GPC3: variants seen among roughly 807,000 people sequenced by gnomAD.
The protein encoded by GPC3 is glypican 3, also known as glypican-3.
In GPC3, 3 loss-of-function variants were observed where a neutral mutation model predicts 34.4. The ratio of observed to expected loss-of-function variants is 0.09; its 90% CI spans 0.04 to 0.23. The LOEUF (loss-of-function observed/expected upper bound fraction) is 0.23. Ranked by LOEUF, GPC3 falls within the 10% of genes least tolerant of loss-of-function variation. GPC3 has a pLI of 1.00. For missense variants in GPC3, 351 were observed against 445.6 expected (o/e 0.79, Z 1.91); for synonymous variants, 177 against 174.0 (o/e 1.02, Z -0.13).
intron 7 of GPC3, among the ~76,000 whole-genome samples, chrX:133,574,936 G>A (rs1256494245): frequency 8.9e-6 from 1 of 111,953 alleles, no homozygotes; most frequent in Admixed American, 9.5e-5. Context: ...ATTGGCTGAA[G>A]CACTTCCTGT....
At position 133,635,966 on chromosome X, in the gene GPC3, A is replaced by C. The variant is rs779321143; in HGVS notation, c.1413+25764T>G. 2.7e-5 allele frequency among the ~76,000 whole-genome samples: 3 copies of C among 111,386 alleles called. No individual in the cohort carries two copies. The East Asian group carries it at 8.5e-4, about 32-fold the overall frequency. Reference sequence around the variant, plus strand: ...CTCACTTAAATTACTTTTAAAAAACATTCTGTTTTCATTTCCCTATCTCTA... The same window carrying C: ...CTCACTTAAATTACTTTTAAAAAACCTTCTGTTTTCATTTCCCTATCTCTA... On this transcript the variant is annotated intron_variant, in intron 6 of 7. Coordinates refer to ENST00000370818, the MANE Select transcript of GPC3 (RefSeq NM_004484.4).
At chrX:133,821,549 A>T (rs977466398) in intron 2 of GPC3, among the ~76,000 whole-genome samples, 1 of 112,057 alleles carries the variant, frequency 8.9e-6, no homozygotes, top group African/African-American at 3.2e-5. Flanking sequence ...ATACATATAT[A>T]TTCGGAACAC....
intron 3 of GPC3, among the ~76,000 whole-genome samples, chrX:133,749,298 G>C (rs1273522203): frequency 9.0e-6 from 1 of 110,896 alleles, no homozygotes; most frequent in Non-Finnish European, 1.9e-5. Flanking sequence ...AAAATCATCT[G>C]ATCTCTTCAC....
chrX:133,698,209 C>T lies in GPC3; in HGVS notation c.1166+1686G>A, dbSNP rs1212149039. Among the ~76,000 whole-genome samples the T allele has an allele frequency of 2.7e-5, 3 of 112,080 alleles. No individual in the cohort carries two copies. In the Admixed American group the frequency reaches 2.8e-4, roughly 11 times the overall value. The stretch of plus-strand genomic sequence containing the variant: ...GAAGGGCAAAGAAGGGAGAAGCTGG[C>T]AACTGAGATGTGCCAAAAATATGAA... On this transcript the variant is annotated intron_variant, in intron 4 of 7. Transcript: ENST00000370818.
intron 2 of GPC3, among the ~76,000 whole-genome samples, chrX:133,845,088 A>G (rs1193531460): frequency 8.9e-6 from 1 of 111,871 alleles, no homozygotes; most frequent in East Asian, 2.8e-4. Flanking sequence ...CTACCTTCCA[A>G]GTTTAGACAA....
intron 2 of GPC3, among the ~76,000 whole-genome samples, chrX:133,850,276 T>C (rs1475450834): frequency 9.6e-6 from 1 of 103,948 alleles, no homozygotes; most frequent in Non-Finnish European, 1.9e-5. Flanking sequence ...ATTCAAACTT[T>C]ACTGTTCAAA....
At chrX:133,648,309 G>A (rs5933335) in intron 6 of GPC3, among the ~76,000 whole-genome samples, 3,177 of 103,812 alleles carry the variant, frequency 0.031, 94 homozygotes, top group South Asian at 0.18. Flanking sequence ...ATCAGTTATC[G>A]TTAGTGTTAG....
At chrX:133,894,650 G>A (rs541346605) in intron 2 of GPC3, among the ~76,000 whole-genome samples, 1 of 111,663 alleles carries the variant, frequency 9.0e-6, no homozygotes, top group South Asian at 3.8e-4. Context: ...GACCAGCCTG[G>A]CCAACATGGT....
At chrX:133,787,537 C>T (rs1259196107) in intron 2 of GPC3, among the ~76,000 whole-genome samples, 2 of 112,331 alleles carry the variant, frequency 1.8e-5, no homozygotes, top group Non-Finnish European at 3.8e-5. Flanking sequence ...TTCCCTCCAA[C>T]AGAAAGAAGT....
chrX:133,692,349 T>G lies in GPC3; in HGVS notation c.1292+20A>C. 8.3e-7 allele frequency: 1 copy of G among 1,206,100 alleles called. No individual in the cohort carries two copies. The highest frequency in any genetic ancestry group is 1.8e-5 in the South Asian group (1 of 56,881). ...ATTATTCCTCAAATATTGCTATATG[T>G]AACTTTCAAAAAAGATCACCTCTCC... is the stretch of plus-strand genomic sequence containing the variant. On this transcript the variant is annotated intron_variant, in intron 5 of 7. Transcript: ENST00000370818.
chrX:133,888,644 T>C (rs2076072573), intron 2 of GPC3, among the ~76,000 whole-genome samples: 1 of 112,450 alleles, frequency 8.9e-6, no homozygotes. Context: ...TATCTCATTG[T>C]GGTTTTGATT....
intron 1 of GPC3, among the ~76,000 whole-genome samples, chrX:133,968,421 T>C (rs1200329188): frequency 8.9e-6 from 1 of 112,561 alleles, no homozygotes; most frequent in East Asian, 2.8e-4. Flanking sequence ...ATTAGGAACA[T>C]GGCTCTGGAA....
At chrX:133,704,240 G>T in intron 3 of GPC3, 1 of 1,092,775 alleles carries the variant, frequency 9.2e-7, no homozygotes, top group Non-Finnish European at 1.2e-6. Flanking sequence ...AAGAAGATAG[G>T]ATATTTGAAG....
At chrX:133,780,106 T>A (rs2072030996) in intron 2 of GPC3, among the ~76,000 whole-genome samples, 2 of 111,641 alleles carry the variant, frequency 1.8e-5, no homozygotes, top group African/African-American at 6.5e-5. Flanking sequence ...CTAGACGCCA[T>A]GCTAGGAGGT....
intron 2 of GPC3, among the ~76,000 whole-genome samples, chrX:133,800,389 A>G (rs1349752094): frequency 8.9e-6 from 1 of 111,980 alleles, no homozygotes; most frequent in Non-Finnish European, 1.9e-5. Context: ...GAGATTACAA[A>G]CTAGGGCTTT....
chrX:133,854,630 G>A (rs759289201), intron 2 of GPC3, among the ~76,000 whole-genome samples: 34 of 112,015 alleles, frequency 3.0e-4, no homozygotes, highest in Non-Finnish European at 4.9e-4. Context: ...CATTCAGTAT[G>A]CGTTGAAAGC....
intron 6 of GPC3, among the ~76,000 whole-genome samples, chrX:133,618,375 T>C (rs182578061): frequency 8.9e-6 from 1 of 112,097 alleles, no homozygotes; most frequent in African/African-American, 3.2e-5. Flanking sequence ...TTTTCATTCA[T>C]AATGAAAGAA....
At chrX:133,751,074 A>AAAAT (rs60283835) in intron 3 of GPC3, among the ~76,000 whole-genome samples, 33,664 of 88,429 alleles carry the variant, frequency 0.38, 6,624 homozygotes, top group Non-Finnish European at 0.48. Context: ...CTCTGTCTCA[A>AAAAT]AAATAAATAA....
intron 2 of GPC3, among the ~76,000 whole-genome samples, chrX:133,887,164 T>C (rs1230373344): frequency 8.9e-6 from 1 of 112,249 alleles, no homozygotes; most frequent in African/African-American, 3.2e-5. Flanking sequence ...CTGCCACCAG[T>C]CCTGGCTAAT....
Sources: allele counts gnomAD v4.1 joint callset (sites outside exome capture counted in the v4.1 genomes callset), GRCh38; gene constraint gnomAD v4.1.1; transcripts MANE v1.5; gene names NCBI Gene and HGNC (gene_info 2026-07-23, HGNC 2026-07-21).